NEUROD4: variants seen among roughly 807,000 people sequenced by gnomAD.
NEUROD4 encodes the protein neurogenic differentiation factor 4.
A neutral mutation model predicts 19.8 loss-of-function variants in NEUROD4; 16 were observed. The observed-to-expected ratio is 0.81, with a 90% CI of 0.55 to 1.23. NEUROD4 has a LOEUF of 1.23. NEUROD4 is among the 50% of genes most tolerant of loss of function. The pLI is 0.00. For synonymous variants in NEUROD4, 153 were observed against 147.9 expected, an observed-to-expected ratio of 1.03 and a Z score of -0.25; for missense variants, 439 against 398.6, an observed-to-expected ratio of 1.10 and a Z score of -0.86.
chr12:55,026,314 T>C (rs1232203636), intron 1 of NEUROD4, 117 bp from the exon 2 acceptor site: 1 of 806,388 alleles, frequency 1.2e-6, no homozygotes, highest in Non-Finnish European at 1.9e-6. Flanking sequence ...TTCTTTCAGT[T>C]TTGGACTGGT....
Position 55,026,886 on chromosome 12 carries a change from T to C in NEUROD4, c.447T>C (p.Pro149=). The change falls in exon 2 of 2, where the codon CCT becomes CCC. Residue 149 remains proline (P), a synonymous_variant. Coordinates refer to ENST00000242994, the MANE Select transcript of NEUROD4 (RefSeq NM_021191.3). ...AAGTCCTGGAGACTGGCCAGACACC[T>C]GAAGGGAAAGGCTTTGTGGAGATGC... is the stretch of plus-strand genomic sequence containing the variant. ...LSEVLETGQT[P]EGKGFVEMLC... 6.2e-7 allele frequency: 1 copy of C among 1,614,104 alleles called. No individual in the cohort carries two copies. Among genetic ancestry groups the C allele is most frequent in the Non-Finnish European group, 8.5e-7 (1 of 1,180,010 alleles).
Sources: allele counts gnomAD v4.1 joint callset, GRCh38; gene constraint gnomAD v4.1.1; transcripts MANE v1.5; gene names NCBI Gene and HGNC (gene_info 2026-07-23, HGNC 2026-07-21).